The following PHLPP1 variants were observed in gnomAD, a reference collection of about 807,000 sequenced individuals.
PHLPP1 encodes PH domain leucine-rich repeat-containing protein phosphatase 1.
PHLPP1 carries 42 observed loss-of-function variants against 117.2 expected under a neutral mutation model. The observed-to-expected ratio is 0.36, with a 90% CI of 0.28 to 0.46. PHLPP1 has a LOEUF of 0.46. Among genes scored for constraint, PHLPP1 ranks in the 20% least tolerant of loss-of-function variants. The probability of loss-of-function intolerance (pLI) is 1.00; values close to 1 mark genes in which losing one functional copy is unlikely to be tolerated. For synonymous variants in PHLPP1, 1,042 were observed against 970.7 expected, an observed-to-expected ratio of 1.07 and a Z score of -1.37; for missense variants, 2,084 against 2,241.9, an observed-to-expected ratio of 0.93 and a Z score of 1.42.
chr18:62,851,079 A>G (rs1014442820), intron 3 of PHLPP1, among the ~76,000 whole-genome samples: 9 of 151,650 alleles, frequency 5.9e-5, no homozygotes, highest in Admixed American at 5.9e-4. Flanking sequence ...AGTACCTGGT[A>G]TAGTTCCTGG....
At chr18:62,728,444 G>A (rs569446196) in intron 1 of PHLPP1, among the ~76,000 whole-genome samples, 1 of 151,976 alleles carries the variant, frequency 6.6e-6, no homozygotes, top group Non-Finnish European at 1.5e-5. Flanking sequence ...TCACCTTCTG[G>A]AGAAATTCTG....
chr18:62,722,451 A>G (rs906132102), intron 1 of PHLPP1, among the ~76,000 whole-genome samples: 7 of 152,198 alleles, frequency 4.6e-5, no homozygotes, highest in African/African-American at 1.7e-4. Context: ...GAAAAAGAGA[A>G]AGAGATGTTA....
At chr18:62,761,628 G>A (rs893994032) in intron 1 of PHLPP1, among the ~76,000 whole-genome samples, 7 of 146,170 alleles carry the variant, frequency 4.8e-5, no homozygotes, top group African/African-American at 1.0e-4. Flanking sequence ...GCGAGACTCC[G>A]TCTCAAAAAA....
chr18:62,884,058 G>A (rs1810471839), intron 4 of PHLPP1, among the ~76,000 whole-genome samples: 1 of 152,200 alleles, frequency 6.6e-6, no homozygotes, highest in Non-Finnish European at 1.5e-5. Context: ...TACTCCTAAT[G>A]TCAATCAGCG....
At chr18:62,718,614 C>A (rs1365791851) in intron 1 of PHLPP1, among the ~76,000 whole-genome samples, 1 of 152,156 alleles carries the variant, frequency 6.6e-6, no homozygotes, top group Non-Finnish European at 1.5e-5. Flanking sequence ...GACAATTTGT[C>A]AACTCGATGA....
intron 3 of PHLPP1, among the ~76,000 whole-genome samples, chr18:62,851,448 T>C (rs1306847618): frequency 6.6e-6 from 1 of 152,124 alleles, no homozygotes; most frequent in Non-Finnish European, 1.5e-5. Context: ...CTCAACAGAA[T>C]ACCATCTCTC....
At chr18:62,750,838 CA>C (rs1815057241) in intron 1 of PHLPP1, among the ~76,000 whole-genome samples, 1 of 152,044 alleles carries the variant, frequency 6.6e-6, no homozygotes, top group South Asian at 2.1e-4. Context: ...CAGGTCACCC[CA>C]TTTTGGGTGA....
At chr18:62,965,548 C>A (rs796363203) in intron 14 of PHLPP1, among the ~76,000 whole-genome samples, 23 of 149,574 alleles carry the variant, frequency 1.5e-4, no homozygotes, top group African/African-American at 5.2e-4. Context: ...CAATTTCTGC[C>A]TCCCGGGTTC....
intron 1 of PHLPP1, among the ~76,000 whole-genome samples, chr18:62,780,769 T>G (rs1159513784): frequency 6.6e-6 from 1 of 152,212 alleles, no homozygotes; most frequent in Non-Finnish European, 1.5e-5. Context: ...ATTCTTTATT[T>G]GCATGTGCTG....
At chr18:62,901,698 AC>A (rs1338981327) in intron 6 of PHLPP1, among the ~76,000 whole-genome samples, 1 of 150,096 alleles carries the variant, frequency 6.7e-6, no homozygotes, top group Non-Finnish European at 1.5e-5. Context: ...ATCTTGGCTC[AC>A]CACAACCTCC....
intron 3 of PHLPP1, 56 bp from the exon 4 acceptor site, chr18:62,860,379 G>T: frequency 7.1e-7 from 1 of 1,401,474 alleles, no homozygotes. Flanking sequence ...TCTATCCATA[G>T]AAAGTAGTTA....
At chr18:62,872,576 G>A (rs552806576) in intron 4 of PHLPP1, among the ~76,000 whole-genome samples, 2 of 151,826 alleles carry the variant, frequency 1.3e-5, no homozygotes, top group South Asian at 2.1e-4. Flanking sequence ...CCTGTAATCC[G>A]AGCTACTCCA....
intron 1 of PHLPP1, among the ~76,000 whole-genome samples, chr18:62,770,150 AC>A (rs2067744083): frequency 6.6e-6 from 1 of 152,010 alleles, no homozygotes; most frequent in Admixed American, 6.6e-5. Context: ...CACTTTTGTC[AC>A]CCAGGCTGGA....
rs1910733998 is a variant in PHLPP1, at chr18:62,716,358, C to A, written c.675C>A (p.Thr225=). ...YLRPVLCTLD[T]TAGEVAARLL... ...GCCCGGTGCTCTGCACACTGGACACCACGGCCGGCGAGGTGGCCGCCCGCC... is the reference window on the plus strand; with the variant it reads ...GCCCGGTGCTCTGCACACTGGACACAACGGCCGGCGAGGTGGCCGCCCGCC... Residue 225 remains threonine (T), a synonymous_variant, in exon 1 of 17, where the codon ACC becomes ACA. Coordinates refer to ENST00000262719, the MANE Select transcript of PHLPP1 (RefSeq NM_194449.4). This position sits in a 1 kb window ranked among gnomAD's most constrained non-coding sequence, Gnocchi z 5.7. 3 of 1,495,620 alleles carry A rather than the reference C, an allele frequency of 2.0e-6. No individual in the cohort carries two copies. The highest frequency in any genetic ancestry group is 2.7e-6 in the Non-Finnish European group (3 of 1,127,776). 92.6% of individuals were successfully genotyped at this position (1,495,620 alleles called of 1,614,324 possible). A position where few individuals can be genotyped will look rare whatever the true frequency, so the allele number is the denominator to read the frequency against.
At chr18:62,818,985 A>G (rs191396664) in intron 1 of PHLPP1, among the ~76,000 whole-genome samples, 130 of 152,366 alleles carry the variant, frequency 8.5e-4, no homozygotes, top group African/African-American at 2.6e-3. Flanking sequence ...AGTATTTCCA[A>G]CATTAATGTA....
chr18:62,947,889 G>A (rs1157664541), intron 12 of PHLPP1, among the ~76,000 whole-genome samples: 1 of 152,042 alleles, frequency 6.6e-6, no homozygotes, highest in Non-Finnish European at 1.5e-5. Flanking sequence ...AGCCAGGCAT[G>A]GTGGTTGGCA....
intron 10 of PHLPP1, among the ~76,000 whole-genome samples, chr18:62,936,932 C>T (rs1481952852): frequency 1.3e-5 from 2 of 152,156 alleles, no homozygotes; most frequent in East Asian, 1.9e-4. Context: ...TGGAATGCTT[C>T]GGAGACAGAA....
At chr18:62,795,338 A>G (rs1482606141) in intron 1 of PHLPP1, among the ~76,000 whole-genome samples, 1 of 151,304 alleles carries the variant, frequency 6.6e-6, no homozygotes, top group African/African-American at 2.4e-5. Context: ...ATTAGCTGGG[A>G]GTGGTGGCGT....
intron 1 of PHLPP1, among the ~76,000 whole-genome samples, chr18:62,818,366 A>C (rs1022869564): frequency 6.6e-6 from 1 of 152,054 alleles, no homozygotes; most frequent in Non-Finnish European, 1.5e-5. Context: ...CCCCGTCTCT[A>C]CTAAAAAATA....
Sources: allele counts gnomAD v4.1 joint callset (sites outside exome capture counted in the v4.1 genomes callset), GRCh38; gene constraint gnomAD v4.1.1; non-coding constraint Gnocchi (gnomAD v3.1); transcripts MANE v1.5; gene names NCBI Gene and HGNC (gene_info 2026-07-23, HGNC 2026-07-21).